The following UTRN variants were observed in gnomAD, a reference collection of about 807,000 sequenced individuals.
The protein encoded by UTRN is dystrophin-related protein 1.
In UTRN, 283 loss-of-function variants were observed where a neutral mutation model predicts 463.9. The ratio of observed to expected loss-of-function variants is 0.61; its 90% CI spans 0.55 to 0.67. The LOEUF is 0.67. UTRN is among the 30% of genes least tolerant of loss of function. The pLI is 0.00. For synonymous variants in UTRN, 1,442 were observed against 1,431.5 expected (o/e 1.01, Z -0.17); for missense variants, 3,922 against 4,084.3 (o/e 0.96, Z 1.08).
At chr6:144,454,137 C>G (rs1788591724) in intron 19 of UTRN, among the ~76,000 whole-genome samples, 1 of 152,118 alleles carries the variant, frequency 6.6e-6, no homozygotes, top group Non-Finnish European at 1.5e-5. Context: ...TTAAAACCCA[C>G]TAGCATAGTA....
At chr6:144,586,896 A>C (rs1802519104) in intron 51 of UTRN, among the ~76,000 whole-genome samples, 1 of 152,208 alleles carries the variant, frequency 6.6e-6, no homozygotes, top group South Asian at 2.1e-4. Context: ...GCTTGAATGT[A>C]TATGTAAATC....
intron 2 of UTRN, among the ~76,000 whole-genome samples, chr6:144,355,364 A>G (rs1778457871): frequency 6.6e-6 from 1 of 151,800 alleles, no homozygotes; most frequent in South Asian, 2.1e-4. Context: ...ATGTCCCACT[A>G]GTTTTTGTAT....
In UTRN at chr6:144,824,568, TTATTTATATATATATATATATATATA is replaced by T. The variant is rs1366258808; in HGVS notation, c.9495-2776_9495-2751del. Among the ~76,000 whole-genome samples, 36 of 69,068 alleles carry T rather than the reference TTATTTATATATATATATATATATATA, an allele frequency of 5.2e-4. 2 individuals carry two copies. The highest frequency in any genetic ancestry group is 1.1e-3 in the East Asian group (2 of 1,836). The allele number at this position is 69,068 out of a possible 152,430, so 45.3% of individuals were successfully genotyped here. A position where few individuals can be genotyped will look rare whatever the true frequency, so the allele number is the denominator to read the frequency against. On this transcript the variant is annotated intron_variant, in intron 66 of 74. Coordinates refer to ENST00000367545, the MANE Select transcript of UTRN (RefSeq NM_007124.3). ...TATGTATATATATTAATATAGCATT[TTATTTATATATATATATATATATATA>T]TATATATATATATATATATCTTTTT... is the stretch of plus-strand genomic sequence containing the variant.
chr6:144,650,912 T>A (rs2178127), intron 51 of UTRN, among the ~76,000 whole-genome samples: 148,543 of 151,986 alleles, frequency 0.98, 72,598 homozygotes, highest in Middle Eastern at 1. Context: ...CTGTCTCAAA[T>A]AATAATAATA....
At chr6:144,734,554 T>C (rs1789147974) in intron 54 of UTRN, among the ~76,000 whole-genome samples, 1 of 152,186 alleles carries the variant, frequency 6.6e-6, no homozygotes. Context: ...TTGCTCGGGC[T>C]AAAATCCACT....
chr6:144,401,237 T>C (rs554637700), intron 2 of UTRN, among the ~76,000 whole-genome samples: 1 of 152,366 alleles, frequency 6.6e-6, no homozygotes, highest in African/African-American at 2.4e-5. Context: ...TAACAAGATT[T>C]ATGAAAATAA....
intron 2 of UTRN, among the ~76,000 whole-genome samples, chr6:144,298,895 A>G (rs968832472): frequency 5.9e-5 from 9 of 152,174 alleles, no homozygotes; most frequent in African/African-American, 2.2e-4. Flanking sequence ...ATCTCTTTAG[A>G]TCTTTTTCTT....
At chr6:144,364,708 G>T (rs1040774572) in intron 2 of UTRN, among the ~76,000 whole-genome samples, 2 of 152,150 alleles carry the variant, frequency 1.3e-5, no homozygotes, top group Admixed American at 1.3e-4. Flanking sequence ...GTCTGACACG[G>T]GTCTTACTGA....
intron 15 of UTRN, 80 bp from the exon 16 acceptor site, chr6:144,447,522 A>T: frequency 1.3e-6 from 2 of 1,507,038 alleles, no homozygotes; most frequent in South Asian, 2.4e-5. Flanking sequence ...TAAAAGATAC[A>T]TGTTTAAAAT....
intron 51 of UTRN, among the ~76,000 whole-genome samples, chr6:144,579,585 A>G (rs1224770802): frequency 6.6e-6 from 1 of 152,230 alleles, no homozygotes; most frequent in East Asian, 1.9e-4. Flanking sequence ...TCAATATTTA[A>G]TGAATATTCA....
intron 6 of UTRN, 74 bp from the exon 7 acceptor site, chr6:144,426,213 A>G: frequency 6.6e-7 from 1 of 1,508,136 alleles, no homozygotes; most frequent in Non-Finnish European, 8.9e-7. Flanking sequence ...TGCTTTTTCA[A>G]GGACTTCATT....
chr6:144,720,661 T>C (rs917190851), intron 53 of UTRN, among the ~76,000 whole-genome samples: 6 of 152,248 alleles, frequency 3.9e-5, no homozygotes, highest in African/African-American at 1.4e-4. Flanking sequence ...GAGACTACAT[T>C]ACCTTCAATG....
chr6:144,382,682 A>G (rs535579239), intron 2 of UTRN, among the ~76,000 whole-genome samples: 6 of 152,344 alleles, frequency 3.9e-5, no homozygotes, highest in African/African-American at 1.4e-4. Flanking sequence ...AAGCAGTTCC[A>G]TAAAGTAGTT....
At chr6:144,330,440 A>G (rs1776256513) in intron 2 of UTRN, among the ~76,000 whole-genome samples, 1 of 152,200 alleles carries the variant, frequency 6.6e-6, no homozygotes, top group Non-Finnish European at 1.5e-5. Context: ...AGGTTGAAAA[A>G]TAGGTTATAA....
At chr6:144,745,337 T>TAGTC (rs1238764840) in intron 54 of UTRN, among the ~76,000 whole-genome samples, 4 of 152,136 alleles carry the variant, frequency 2.6e-5, no homozygotes, top group Non-Finnish European at 5.9e-5. Context: ...TTACCCCAAA[T>TAGTC]AGTCATACCT....
intron 3 of UTRN, among the ~76,000 whole-genome samples, chr6:144,411,147 CT>C (rs1476762255): frequency 1.3e-5 from 2 of 152,204 alleles, no homozygotes. Flanking sequence ...AATCTCCACA[CT>C]GTATTCCATA....
At chr6:144,762,175 C>T (rs1382511454) in intron 58 of UTRN, among the ~76,000 whole-genome samples, 3 of 152,162 alleles carry the variant, frequency 2.0e-5, no homozygotes, top group Non-Finnish European at 4.4e-5. Flanking sequence ...AGCACGCTTA[C>T]AGCTTGCTTG....
At chr6:144,795,823 C>G (rs139206111) in intron 63 of UTRN, among the ~76,000 whole-genome samples, 3,880 of 152,060 alleles carry the variant, frequency 0.026, 95 homozygotes, top group African/African-American at 0.065. Context: ...TTGTAGGTTG[C>G]CTGTTCACTC....
chr6:144,514,972 G>A, intron 37 of UTRN, 152 bp downstream of exon 37: 2 of 814,796 alleles, frequency 2.5e-6, no homozygotes, highest in Non-Finnish European at 3.5e-6. Context: ...AGTGGCATGA[G>A]CTCACTGCAA....
Sources: allele counts gnomAD v4.1 joint callset (sites outside exome capture counted in the v4.1 genomes callset), GRCh38; gene constraint gnomAD v4.1.1; transcripts MANE v1.5; gene names NCBI Gene and HGNC (gene_info 2026-07-23, HGNC 2026-07-21).